The following TRPA1 variants were observed in gnomAD, a reference collection of about 807,000 sequenced individuals.
TRPA1 encodes transient receptor potential cation channel subfamily A member 1.
Under a neutral mutation model 131.3 loss-of-function variants are expected in TRPA1, and 129 were observed. That is an observed-to-expected ratio of 0.98 (90% CI 0.85 to 1.14). The LOEUF is 1.14. Among genes scored for constraint, TRPA1 ranks in the 50% most tolerant of loss-of-function variants. The pLI, the probability that TRPA1 is intolerant of heterozygous loss-of-function variation, is 0.00. For synonymous variants in TRPA1, 441 were observed against 451.7 expected (o/e 0.98, Z 0.30); for missense variants, 1,304 against 1,354.2 (o/e 0.96, Z 0.58).
Position 72,046,512 on chromosome 8 carries a change from C to T in TRPA1, c.2061+1G>A, listed in dbSNP as rs773757888. 5.2e-6 allele frequency: 8 copies of T among 1,539,496 alleles called. No homozygotes were observed. The highest frequency in any genetic ancestry group is 7.1e-6 in the Non-Finnish European group (8 of 1,125,590). On this transcript the variant is annotated splice_donor_variant, in intron 17 of 26. Coordinates refer to ENST00000262209, the MANE Select transcript of TRPA1 (RefSeq NM_007332.3). LOFTEE classifies it high-confidence loss of function. ...TTAGATAATGAAAACATTGAACTTA[C>T]GTTGAGGGCTGTAAGCGGTTCATAT...
At chr8:72,078,844 A>G (rs1806236914), upstream of TRPA1, among the ~76,000 whole-genome samples, 1 of 152,058 alleles carries the variant, frequency 6.6e-6, no homozygotes, top group Admixed American at 6.5e-5. Context: ...ATTACCTTCC[A>G]AAGTGGATGT....
the TRPA1 span, among the ~76,000 whole-genome samples, chr8:72,089,685 T>A: frequency 3.3e-5 from 5 of 152,054 alleles, no homozygotes; most frequent in Non-Finnish European, 7.4e-5. Flanking sequence ...GCTCAAAAAA[T>A]TCAAACAAAA....
At chr8:72,066,707 C>G (rs1349693612) in intron 3 of TRPA1, among the ~76,000 whole-genome samples, 2 of 114,384 alleles carry the variant, frequency 1.7e-5, no homozygotes, top group African/African-American at 7.3e-5. Context: ...TTAAGAAACT[C>G]TAGTTTCACA....
chr8:72,071,688 G>A (rs775149002), intron 2 of TRPA1, 23 bp downstream of exon 2: 7 of 1,612,082 alleles, frequency 4.3e-6, no homozygotes, highest in Non-Finnish European at 3.4e-6. Flanking sequence ...ATTTCTGGAA[G>A]ATGAATTGTA....
At chr8:72,046,423 A>C in intron 17 of TRPA1, 90 bp downstream of exon 17, 12 of 704,420 alleles carry the variant, frequency 1.7e-5, no homozygotes, top group Non-Finnish European at 2.6e-5. Flanking sequence ...AACCTGCACA[A>C]TGTGCACATG....
chr8:72,047,806 A>G (rs555162789), intron 15 of TRPA1, among the ~76,000 whole-genome samples: 3 of 152,228 alleles, frequency 2.0e-5, no homozygotes, highest in Admixed American at 2.0e-4. Flanking sequence ...ATAGGCCAAT[A>G]TTCTGAAATC....
At chr8:72,058,421 C>T (rs771850087) in intron 8 of TRPA1, among the ~76,000 whole-genome samples, 12 of 152,010 alleles carry the variant, frequency 7.9e-5, no homozygotes, top group Non-Finnish European at 1.6e-4. Context: ...TTTGATATGA[C>T]AAGAAATCAA....
chr8:72,069,947 T>C (rs1806020722), intron 2 of TRPA1, among the ~76,000 whole-genome samples: 1 of 152,086 alleles, frequency 6.6e-6, no homozygotes, highest in Admixed American at 6.5e-5. Context: ...AAAGACACAC[T>C]ACTAATAAAC....
intron 3 of TRPA1, among the ~76,000 whole-genome samples, chr8:72,068,141 C>A (rs1362195369): frequency 6.6e-6 from 1 of 152,172 alleles, no homozygotes; most frequent in African/African-American, 2.4e-5. Context: ...GGAGCCAAAG[C>A]CTCAGAGGGC....
intron 23 of TRPA1, among the ~76,000 whole-genome samples, chr8:72,031,850 G>GTTT (rs1811835944): frequency 6.6e-6 from 1 of 152,128 alleles, no homozygotes; most frequent in Non-Finnish European, 1.5e-5. Flanking sequence ...TAGGAAGTAG[G>GTTT]TTTTATTATT....
upstream of TRPA1, among the ~76,000 whole-genome samples, chr8:72,077,387 T>G (rs1806209891): frequency 6.6e-6 from 1 of 152,106 alleles, no homozygotes; most frequent in South Asian, 2.1e-4. Flanking sequence ...ACAGCACCCC[T>G]CCTTTGTAAT....
chr8:72,063,381 A>G (rs1805853184), intron 5 of TRPA1, 82 bp downstream of exon 5: 2 of 991,024 alleles, frequency 2.0e-6, no homozygotes, highest in African/African-American at 2.9e-5. Flanking sequence ...CTCCATCTCA[A>G]AAGAAAAAAA....
chr8:72,022,865 C>G lies in TRPA1; in HGVS notation c.*41G>C. On this transcript the variant is annotated 3_prime_UTR_variant, in exon 27 of 27. Coordinates refer to ENST00000262209, the MANE Select transcript of TRPA1 (RefSeq NM_007332.3). ...AAATTGAAAGTTAGAACCAGCAAGT[C>G]ATGCACCCCCCATTAGAAGCCTCAC... 1 of 1,571,170 alleles carries G rather than the reference C, an allele frequency of 6.4e-7. No individual in the cohort carries two copies. The highest frequency in any genetic ancestry group is 8.8e-7 in the Non-Finnish European group (1 of 1,142,106).
chr8:72,035,706 C>T (rs551382943), intron 21 of TRPA1, among the ~76,000 whole-genome samples: 1 of 152,134 alleles, frequency 6.6e-6, no homozygotes, highest in Non-Finnish European at 1.5e-5. Flanking sequence ...ATTCCCCATA[C>T]TATCCATCAG....
At chr8:72,034,794 C>T (rs1480077025) in intron 21 of TRPA1, among the ~76,000 whole-genome samples, 4 of 152,152 alleles carry the variant, frequency 2.6e-5, no homozygotes, top group Admixed American at 6.5e-5. Context: ...CAGCCTGCCT[C>T]GGCTTCCCAA....
At chr8:72,080,133 A>G (rs1044940657), upstream of TRPA1, among the ~76,000 whole-genome samples, 1 of 151,802 alleles carries the variant, frequency 6.6e-6, no homozygotes, top group Non-Finnish European at 1.5e-5. Flanking sequence ...GTATGCCTTT[A>G]ATTTTTTTTC....
intron 14 of TRPA1, 106 bp from the exon 15 acceptor site, chr8:72,050,977 T>C (rs1805489999): frequency 8.4e-6 from 7 of 833,444 alleles, no homozygotes; most frequent in South Asian, 1.4e-5. Context: ...AACTTAAGCA[T>C]ATTCATGAAA....
chr8:72,087,768 A>AC, the TRPA1 span, among the ~76,000 whole-genome samples: 1 of 151,864 alleles, frequency 6.6e-6, no homozygotes, highest in Non-Finnish European at 1.5e-5. Context: ...TGTCCTATTA[A>AC]CCTCATTTTC....
chr8:72,056,933 C>A lies in TRPA1; in HGVS notation c.1178G>T (p.Arg393Leu). ...ATACATTACCTGCATAAATTCAGGT[C>A]GCAGATTTTTTAATCCATAAGGTTG... ...VQQPYGLKNL[R>L]PEFMQMQQIK... Residue 393 changes from arginine (R) to leucine (L), a missense_variant, in exon 10 of 27, where the codon CGA becomes CTA. Physicochemically the swap from Arg to Leu is moderately radical, Grantham distance 102. Coordinates refer to ENST00000262209, the MANE Select transcript of TRPA1 (RefSeq NM_007332.3). The A allele has an allele frequency of 6.2e-7, 1 of 1,607,936 alleles. No homozygotes were observed. Among genetic ancestry groups the A allele is most frequent in the Non-Finnish European group, 8.5e-7 (1 of 1,177,412 alleles).
Sources: allele counts gnomAD v4.1 joint callset (sites outside exome capture counted in the v4.1 genomes callset), GRCh38; gene constraint gnomAD v4.1.1; transcripts MANE v1.5; gene names NCBI Gene and HGNC (gene_info 2026-07-23, HGNC 2026-07-21).